The following TMEM242 variants were observed in gnomAD, a reference collection of about 807,000 sequenced individuals.
TMEM242 encodes UPF0463 transmembrane protein C6orf35.
In TMEM242, 10 loss-of-function variants were observed where a neutral mutation model predicts 18.2. The ratio of observed to expected loss-of-function variants is 0.55; its 90% confidence interval spans 0.34 to 0.93. TMEM242 has a LOEUF of 0.93. TMEM242 is among the 40% of genes least tolerant of loss of function. The pLI, the probability that TMEM242 is intolerant of heterozygous loss-of-function variation, is 0.02. For synonymous variants in TMEM242, 57 were observed against 69.9 expected, an observed-to-expected ratio of 0.81 and a Z score of 0.92; for missense variants, 186 against 175.5, an observed-to-expected ratio of 1.06 and a Z score of -0.34.
At chr6:157,318,696 C>G (rs1778446425) in intron 3 of TMEM242, 86 bp downstream of exon 3, 1 of 1,553,898 alleles carries the variant, frequency 6.4e-7, no homozygotes, top group Non-Finnish European at 8.8e-7. Context: ...AAACTACATG[C>G]AAATAAATTT....
At chr6:157,310,995 TA>T (rs1554248551) in intron 3 of TMEM242, among the ~76,000 whole-genome samples, 439 of 1,576 alleles carry the variant, frequency 0.28, 26 homozygotes, top group Non-Finnish European at 0.31. Context: ...TGCGCTAACC[TA>T]GCCTCCCCAG....
At chr6:157,301,386 ACTGCAACCT>A (rs1426143763) in intron 3 of TMEM242, among the ~76,000 whole-genome samples, 10 of 151,956 alleles carry the variant, frequency 6.6e-5, no homozygotes, top group Non-Finnish European at 1.3e-4. Flanking sequence ...GTCTCAGCTC[ACTGCAACCT>A]CTGCCTCCCA....
At chr6:157,313,067 G>A (rs62425601) in intron 3 of TMEM242, among the ~76,000 whole-genome samples, 4 of 23,714 alleles carry the variant, frequency 1.7e-4, no homozygotes, top group African/African-American at 3.1e-4. Context: ...CTCATCATAG[G>A]GTCCCAGTAT....
chr6:157,293,355 A>AAAACAAACAAACAAACAAAC (rs111648623), intron 3 of TMEM242, among the ~76,000 whole-genome samples: 2 of 148,264 alleles, frequency 1.3e-5, no homozygotes, highest in African/African-American at 2.5e-5. Flanking sequence ...TATCTCTTTA[A>AAAACAAACAAACAAACAAAC]AAACAAACAA....
intron 3 of TMEM242, among the ~76,000 whole-genome samples, chr6:157,311,349 TGC>T (rs1778077133): frequency 7.6e-6 from 1 of 131,020 alleles, no homozygotes; most frequent in African/African-American, 2.9e-5. Context: ...TGTCCCAGTG[TGC>T]GCTCACCTAG....
rs1554246823 is a variant in TMEM242, at chr6:157,291,362, GCA to G, written c.*1537_*1538del. On this transcript the variant is annotated 3_prime_UTR_variant, in exon 4 of 4. Coordinates refer to ENST00000400788, the MANE Select transcript of TMEM242 (RefSeq NM_018452.6). Reference sequence around the variant, plus strand: ...TAACAAGGTTTGAGGGCCATCTCATGCACGTTGGAAACCCACATTTATGAAGC... The same window carrying G: ...TAACAAGGTTTGAGGGCCATCTCATGCGTTGGAAACCCACATTTATGAAGC... 6.6e-6 allele frequency: 1 copy of G among 152,230 alleles called. No individual in the cohort carries two copies. The highest frequency in any genetic ancestry group is 6.5e-5 in the Admixed American group (1 of 15,292). The allele number at this position is 152,230 out of a possible 1,614,324, so 9.4% of individuals were successfully genotyped here.
At chr6:157,315,781 T>C (rs1778377125) in intron 3 of TMEM242, among the ~76,000 whole-genome samples, 1 of 152,250 alleles carries the variant, frequency 6.6e-6, no homozygotes, top group African/African-American at 2.4e-5. Context: ...CCATCTTCAG[T>C]GCTGGGCAAA....
intron 3 of TMEM242, among the ~76,000 whole-genome samples, chr6:157,310,751 C>T (rs797023592): frequency 6.8e-6 from 1 of 146,648 alleles, no homozygotes; most frequent in Non-Finnish European, 1.5e-5. Context: ...CCAGTGTGCA[C>T]TCACCCGGCC....
At chr6:157,310,610 G>A (rs1554248342) in intron 3 of TMEM242, among the ~76,000 whole-genome samples, 12 of 141,808 alleles carry the variant, frequency 8.5e-5, no homozygotes, top group South Asian at 2.3e-4. Flanking sequence ...GTGCCCCAGT[G>A]TGCCCTCACC....
At chr6:157,306,614 G>A (rs1208665215) in intron 3 of TMEM242, among the ~76,000 whole-genome samples, 2 of 152,200 alleles carry the variant, frequency 1.3e-5, no homozygotes, top group Non-Finnish European at 2.9e-5. Flanking sequence ...AGAGCTCAGG[G>A]TGTAAATGAA....
intron 3 of TMEM242, among the ~76,000 whole-genome samples, chr6:157,316,226 T>A (rs1778387607): frequency 6.6e-6 from 1 of 152,224 alleles, no homozygotes; most frequent in Non-Finnish European, 1.5e-5. Context: ...ACTTTATTAC[T>A]AAGTACTACT....
At position 157,302,552 on chromosome 6, in the gene TMEM242, A is replaced by G. The variant is rs370258912; in HGVS notation, c.328-9553T>C. Among the ~76,000 whole-genome samples, 6 of 152,342 alleles carry G rather than the reference A, an allele frequency of 3.9e-5. No homozygotes were observed. The East Asian group carries it at 1.2e-3, about 29-fold the overall frequency. The stretch of plus-strand genomic sequence containing the variant: ...CTAAATCAATCTTGAGGGGGAAAAA[A>G]AACTGTTCAAAATAAAAACATACCA... On this transcript the variant is annotated intron_variant, in intron 3 of 3. Transcript: ENST00000400788.
intron 3 of TMEM242, among the ~76,000 whole-genome samples, chr6:157,311,225 GCC>G (rs1778064775): frequency 9.0e-6 from 1 of 110,602 alleles, no homozygotes; most frequent in Non-Finnish European, 2.0e-5. Flanking sequence ...CGCTCACCTA[GCC>G]TCATCATAGT....
intron 3 of TMEM242, among the ~76,000 whole-genome samples, chr6:157,310,622 A>G (rs797031129): frequency 0.099 from 134 of 1,352 alleles, no homozygotes; most frequent in East Asian, 0.17. Flanking sequence ...GCCCTCACCT[A>G]GCCTCATCAT....
At chr6:157,313,333 T>A (rs1778260660) in intron 3 of TMEM242, among the ~76,000 whole-genome samples, 2 of 149,358 alleles carry the variant, frequency 1.3e-5, no homozygotes, top group African/African-American at 4.8e-5. Flanking sequence ...CCTGGCCTCA[T>A]CATAGTGCCC....
At chr6:157,295,824 C>T (rs1056042592) in intron 3 of TMEM242, among the ~76,000 whole-genome samples, 2 of 152,160 alleles carry the variant, frequency 1.3e-5, no homozygotes, top group African/African-American at 2.4e-5. Flanking sequence ...TACCATCTAT[C>T]CCTGTTCTCT....
At chr6:157,310,516 A>C (rs1554248312) in intron 3 of TMEM242, among the ~76,000 whole-genome samples, 3 of 150,052 alleles carry the variant, frequency 2.0e-5, no homozygotes, top group Non-Finnish European at 3.0e-5. Context: ...GTGTACACTC[A>C]CCTGGCCTCA....
intron 3 of TMEM242, among the ~76,000 whole-genome samples, chr6:157,312,289 A>G: frequency 6.6e-6 from 1 of 152,334 alleles, no homozygotes. Flanking sequence ...GCCTCAACAT[A>G]GTGCCCCAGT....
At chr6:157,321,285 A>G (rs1256485096) in intron 2 of TMEM242, among the ~76,000 whole-genome samples, 17 of 152,056 alleles carry the variant, frequency 1.1e-4, no homozygotes, top group African/African-American at 4.1e-4. Flanking sequence ...TGGGATTACA[A>G]GCGTGAGCCA....
Sources: gnomAD v4.1 joint callset for allele counts (sites outside exome capture counted in the v4.1 genomes callset) on GRCh38, gnomAD v4.1.1 for gene constraint, MANE v1.5 for transcripts, NCBI Gene and HGNC (gene_info 2026-07-23, HGNC 2026-07-21) for gene names.